MAPK13: variants seen among roughly 807,000 people sequenced by gnomAD.
MAPK13 encodes MAP kinase 13.
In MAPK13, 39 loss-of-function variants were observed where a neutral mutation model predicts 53.5. That is an observed-to-expected ratio of 0.73 (90% CI 0.56 to 0.95). MAPK13 has a LOEUF of 0.95. Among genes scored for constraint, MAPK13 ranks in the 40% least tolerant of loss-of-function variants. The probability of loss-of-function intolerance (pLI) is 0.00; values close to 1 mark genes in which losing one functional copy is unlikely to be tolerated. For missense variants in MAPK13, 460 were observed against 471.8 expected, an observed-to-expected ratio of 0.98 and a Z score of 0.23; for synonymous variants, 179 against 190.9, an observed-to-expected ratio of 0.94 and a Z score of 0.51.
At chr6:36,135,665 C>T in intron 3 of MAPK13, 88 bp from the exon 4 acceptor site, 2 of 873,580 alleles carry the variant, frequency 2.3e-6, no homozygotes, top group Non-Finnish European at 3.7e-6. Context: ...TCTATGACCC[C>T]TGTTCTGCCC....
chr6:36,138,229 G>A (rs1218645702), intron 8 of MAPK13, 136 bp from the exon 9 acceptor site: 20 of 660,774 alleles, frequency 3.0e-5, no homozygotes, highest in African/African-American at 5.4e-5. Context: ...CCTCCTGAGA[G>A]CAGGAGGTGG....
intron 2 of MAPK13, among the ~76,000 whole-genome samples, chr6:36,131,905 T>C (rs1189311152): frequency 6.6e-6 from 1 of 152,226 alleles, no homozygotes; most frequent in Non-Finnish European, 1.5e-5. Flanking sequence ...GGTTAGTCAG[T>C]AGCAGAGCTG....
At chr6:36,136,984 G>T (rs1766430672) in intron 8 of MAPK13, 34 bp downstream of exon 8, 9 of 1,583,940 alleles carry the variant, frequency 5.7e-6, no homozygotes, top group Non-Finnish European at 7.8e-6. Flanking sequence ...ACTCCATCTA[G>T]GGATTCCTTC....
chr6:36,136,906 T>C lies in MAPK13; in HGVS notation c.638T>C (p.Met213Thr), dbSNP rs763299038. Residue 213 changes from methionine to threonine, a missense_variant, in exon 8 of 12, where the codon ATG (methionine) becomes ACG (threonine). Transcript: ENST00000211287. ...TVDIWSVGCIMAEMLTGKTLF... is the reference protein window; with the variant it reads ...TVDIWSVGCITAEMLTGKTLF... ...GACATCTGGTCTGTGGGCTGTATCA[T>C]GGCAGAGATGCTGACAGGGAAAACT... 4 of 1,614,232 alleles carry C rather than the reference T, an allele frequency of 2.5e-6. No individual in the cohort carries two copies. The highest frequency in any genetic ancestry group is 1.7e-5 in the Admixed American group (1 of 60,030).
At chr6:36,132,372 C>T (rs903678164) in intron 2 of MAPK13, among the ~76,000 whole-genome samples, 1 of 152,234 alleles carries the variant, frequency 6.6e-6, no homozygotes, top group African/African-American at 2.4e-5. Context: ...GAGCACACAT[C>T]ATTCTCCCCA....
chr6:36,130,926 A>G lies in MAPK13; in HGVS notation c.119+225A>G. ...ACTGGGCCTGGTTCTCCAGGACTGT[A>G]CACTTGCAAGACCCCAGAGTTCATC... On this transcript the variant is annotated intron_variant, in intron 1 of 11. Transcript: ENST00000211287. This position sits in a 1 kb window ranked among gnomAD's most constrained non-coding sequence, Gnocchi z 4.5. 1.9e-6 allele frequency: 1 copy of G among 516,408 alleles called. No homozygotes were observed. Among genetic ancestry groups the G allele is most frequent in the Non-Finnish European group, 3.4e-6 (1 of 291,628 alleles). The allele number at this position is 516,408 out of a possible 1,614,324, so 32.0% of individuals were successfully genotyped here. A position where few individuals can be genotyped will look rare whatever the true frequency, so the allele number is the denominator to read the frequency against.
At chr6:36,134,499 C>T (rs1156466519) in intron 3 of MAPK13, among the ~76,000 whole-genome samples, 2 of 152,148 alleles carry the variant, frequency 1.3e-5, no homozygotes, top group African/African-American at 4.8e-5. Context: ...CTCAAGCCAT[C>T]CTCCCGCCTC....
chr6:36,132,789 T>C, intron 3 of MAPK13, 110 bp downstream of exon 3: 4 of 1,146,602 alleles, frequency 3.5e-6, no homozygotes, highest in Admixed American at 1.7e-5. Context: ...GGGGAGAGCC[T>C]CCTTCCCTGG....
rs779750672 is a variant in MAPK13 at position 36,138,971 on chromosome 6, C to T, written c.934C>T (p.Arg312Trp). 1.9e-5 allele frequency: 30 copies of T among 1,613,972 alleles called. No individual in the cohort carries two copies. The highest frequency in any genetic ancestry group is 2.0e-5 in the Non-Finnish European group (24 of 1,179,980). Residue 312 changes from arginine (R) to tryptophan (W), a missense_variant, in exon 11 of 12, where the codon CGG becomes TGG. Arg to Trp is a moderately radical substitution (Grantham distance 101). Transcript: ENST00000211287. ...ALTHPFFEPF[R>W]DPEEETEAQQ... ...CACCCATCCCTTCTTTGAACCCTTC[C>T]GGGACCCTGAGGAAGAGACGGAGGC...
At chr6:36,138,541 A>AC (rs889588671) in intron 9 of MAPK13, 97 bp downstream of exon 9, 2 of 1,327,312 alleles carry the variant, frequency 1.5e-6, no homozygotes, top group African/African-American at 2.9e-5. Context: ...GCTCACCAGC[A>AC]CCTTCCCACA....
chr6:36,132,551 C>A, intron 2 of MAPK13, 70 bp from the exon 3 acceptor site: 2 of 1,420,674 alleles, frequency 1.4e-6, no homozygotes, highest in Non-Finnish European at 2.0e-6. Flanking sequence ...CTGTGCATGG[C>A]CAGGGCCCAG....
intron 3 of MAPK13, among the ~76,000 whole-genome samples, chr6:36,134,010 C>G (rs1008260538): frequency 1.3e-5 from 2 of 152,060 alleles, no homozygotes; most frequent in African/African-American, 4.8e-5. Context: ...AAGCAGAAAC[C>G]AGGTTAACTC....
intron 9 of MAPK13, 44 bp downstream of exon 9, chr6:36,138,488 G>C (rs777345890): frequency 6.3e-7 from 1 of 1,587,246 alleles, no homozygotes; most frequent in Non-Finnish European, 8.6e-7. Flanking sequence ...CTGTGTGCTT[G>C]CCTGACGTGG....
At position 36,130,721 on chromosome 6, in the gene MAPK13, G is replaced by GGGGGGCT; in HGVS notation, c.119+26_119+27insTGGGGGC. ...CGTGTGGTGAGACCCCTGGGCCGCT[G>GGGGGGCT]GGGGGCGGGGGGCGGGCGCCAGGCT... On this transcript the variant is annotated intron_variant, in intron 1 of 11. Transcript: ENST00000211287. The surrounding 1 kb of genome is among the most constrained non-coding windows in gnomAD (Gnocchi z 4.5). 1 of 1,010,406 alleles carries GGGGGGCT rather than the reference G, an allele frequency of 9.9e-7. No homozygotes were observed. The highest frequency in any genetic ancestry group is 1.3e-6 in the Non-Finnish European group (1 of 748,924). The allele number at this position is 1,010,406 out of a possible 1,614,324, so 62.6% of individuals were successfully genotyped here.
At chr6:36,131,230 A>G (rs1766314042) in intron 1 of MAPK13, 41 bp from the exon 2 acceptor site, 2 of 1,595,640 alleles carry the variant, frequency 1.3e-6, no homozygotes, top group African/African-American at 2.7e-5. Context: ...GATACGGCCC[A>G]GGAGGAGAGC....
rs1294848772 is a variant in MAPK13, at chr6:36,138,375, G to C, written c.693G>C (p.Gln231His). 1.9e-6 allele frequency: 3 copies of C among 1,613,902 alleles called. No homozygotes were observed. The highest frequency in any genetic ancestry group is 1.3e-5 in the African/African-American group (1 of 74,904). ...TAACCTGCCACCAAGACCTGGACCAGCTGACCCAGATCCTGAAAGTGACCG... is the reference window on the plus strand; with the variant it reads ...TAACCTGCCACCAAGACCTGGACCACCTGACCCAGATCCTGAAAGTGACCG... The part of the protein sequence containing the change: ...TLFKGKDYLD[Q>H]LTQILKVTGV... Residue 231 changes from glutamine to histidine, a missense_variant, in exon 9 of 12, where the codon CAG (glutamine) becomes CAC (histidine). Physicochemically the swap from Gln to His is conservative, Grantham distance 24. Coordinates refer to ENST00000211287, the MANE Select transcript of MAPK13 (RefSeq NM_002754.5).
chr6:36,136,039 C>G lies in MAPK13; in HGVS notation c.438C>G (p.Val146=), dbSNP rs771949520. The part of the protein sequence containing the change: ...KGLKYIHSAG[V]VHRDLKPGNL... ...CATAGTACATCCACTCTGCTGGGGT[C>G]GTGCACAGGGTGAGTGCTTTCTCTG... Residue 146 remains valine, a synonymous_variant, in exon 5 of 12, where the codon GTC becomes GTG. Coordinates refer to ENST00000211287, the MANE Select transcript of MAPK13 (RefSeq NM_002754.5). 1 of 1,614,070 alleles carries G rather than the reference C, an allele frequency of 6.2e-7. No homozygotes were observed. The highest frequency in any genetic ancestry group is 8.5e-7 in the Non-Finnish European group (1 of 1,180,008).
intron 3 of MAPK13, 150 bp from the exon 4 acceptor site, chr6:36,135,603 G>T (rs1367898359): frequency 7.1e-6 from 4 of 560,208 alleles, no homozygotes; most frequent in Middle Eastern, 4.9e-4. Flanking sequence ...AGGCCCGTGT[G>T]GTGATCTGGC....
chr6:36,135,790 A>G lies in MAPK13; in HGVS notation c.346A>G (p.Lys116Glu). The change falls in exon 4 of 12, where the codon AAG becomes GAG. Residue 116 changes from lysine to glutamate, a missense_variant. Coordinates refer to ENST00000211287, the MANE Select transcript of MAPK13 (RefSeq NM_002754.5). ...GCCCTTCATGCAGACGGATCTGCAGAAGATCATGGGGATGGAGTTCAGTGA... is the reference window on the plus strand; with the variant it reads ...GCCCTTCATGCAGACGGATCTGCAGGAGATCATGGGGATGGAGTTCAGTGA... Reference protein sequence around the residue: ...VMPFMQTDLQKIMGMEFSEEK... With the variant: ...VMPFMQTDLQEIMGMEFSEEK... 1.2e-6 allele frequency: 2 copies of G among 1,614,096 alleles called. No individual in the cohort carries two copies. Among genetic ancestry groups the G allele is most frequent in the Non-Finnish European group, 1.7e-6 (2 of 1,179,964 alleles).
Sources: gnomAD v4.1 joint callset for allele counts (sites outside exome capture counted in the v4.1 genomes callset) on GRCh38, gnomAD v4.1.1 for gene constraint, Gnocchi (gnomAD v3.1) non-coding constraint, MANE v1.5 for transcripts, NCBI Gene and HGNC (gene_info 2026-07-23, HGNC 2026-07-21) for gene names.